Variants in NCK2 observed in about 807,000 individuals in gnomAD.
The protein encoded by NCK2 is cytoplasmic protein NCK2.
In NCK2, 16 loss-of-function variants were observed where a neutral mutation model predicts 33.9. The ratio of observed to expected loss-of-function variants is 0.47; its 90% CI spans 0.32 to 0.72. The LOEUF (loss-of-function observed/expected upper bound fraction) is 0.72, where lower values mean the gene tolerates loss of function less well. Among genes scored for constraint, NCK2 ranks in the 30% least tolerant of loss-of-function variants. The probability of loss-of-function intolerance (pLI) is 0.03; values close to 1 mark genes in which losing one functional copy is unlikely to be tolerated. For missense variants in NCK2, 418 were observed against 537.3 expected, an observed-to-expected ratio of 0.78 and a Z score of 2.19; for synonymous variants, 273 against 239.9, an observed-to-expected ratio of 1.14 and a Z score of -1.27.
chr2:105,890,319 G>T (rs1195695027), intron 4 of NCK2, among the ~76,000 whole-genome samples: 2 of 152,090 alleles, frequency 1.3e-5, no homozygotes, highest in Non-Finnish European at 2.9e-5. Context: ...TGATCATTTG[G>T]CTTAATTAAA....
At chr2:105,861,072 G>A (rs553585316) in intron 3 of NCK2, among the ~76,000 whole-genome samples, 4 of 151,984 alleles carry the variant, frequency 2.6e-5, no homozygotes, top group South Asian at 4.1e-4. Flanking sequence ...AATTGTTTAC[G>A]GAAAACTATC....
chr2:105,856,826 A>G (rs541296596), intron 3 of NCK2: 6 of 152,294 alleles, frequency 3.9e-5, no homozygotes, highest in African/African-American at 1.2e-4. Flanking sequence ...TTCTTCCCCC[A>G]CATAAGCATG....
Position 105,757,550 on chromosome 2 carries a change from C to G in NCK2, c.-201+12412C>G, listed in dbSNP as rs566028881. Among the ~76,000 whole-genome samples, 39 of 152,214 alleles carry G rather than the reference C, an allele frequency of 2.6e-4. 1 individual carries two copies. The highest frequency in any genetic ancestry group is 9.4e-4 in the African/African-American group (39 of 41,518). The stretch of plus-strand genomic sequence containing the variant: ...GGCTATGTTTTCACTCAGTTGTGTA[C>G]CTGCAGTTCATACCTACATAGGACC... On this transcript the variant is annotated intron_variant, in intron 1 of 4. Transcript: ENST00000233154.
intron 2 of NCK2, among the ~76,000 whole-genome samples, chr2:105,845,316 C>A (rs1263169795): frequency 6.6e-6 from 1 of 151,604 alleles, no homozygotes; most frequent in Admixed American, 6.6e-5. Context: ...AACAAGGTGG[C>A]AAGGAAAAAG....
At chr2:105,834,756 C>T (rs575401303) in intron 2 of NCK2, among the ~76,000 whole-genome samples, 3 of 152,066 alleles carry the variant, frequency 2.0e-5, no homozygotes, top group South Asian at 2.1e-4. Flanking sequence ...TAGCCTTGAA[C>T]TGTTGGGTTT....
At chr2:105,756,095 T>C (rs1016300705) in intron 1 of NCK2, among the ~76,000 whole-genome samples, 6 of 152,234 alleles carry the variant, frequency 3.9e-5, no homozygotes, top group African/African-American at 1.4e-4. Flanking sequence ...TCTTTTTTTC[T>C]TTAAAACAGG....
chr2:105,750,339 C>CT (rs1213373551), intron 1 of NCK2, among the ~76,000 whole-genome samples: 1 of 152,206 alleles, frequency 6.6e-6, no homozygotes, highest in Non-Finnish European at 1.5e-5. Context: ...TATTTATGAC[C>CT]TTTTTTAACC....
At chr2:105,799,101 G>A (rs563540976) in intron 1 of NCK2, among the ~76,000 whole-genome samples, 177 of 152,126 alleles carry the variant, frequency 1.2e-3, no homozygotes, top group Non-Finnish European at 2.2e-3. Context: ...AGAAGCTCTC[G>A]CTGTGTCCTG....
At chr2:105,830,552 T>A (rs1676130237) in intron 2 of NCK2, among the ~76,000 whole-genome samples, 1 of 151,908 alleles carries the variant, frequency 6.6e-6, no homozygotes, top group Non-Finnish European at 1.5e-5. Flanking sequence ...AGTGCAGCTG[T>A]CACATCAATA....
rs997500772 is a variant in NCK2 at position 105,869,774 on chromosome 2, GTA to G, written c.227-11550_227-11549del. 4.6e-5 allele frequency among the ~76,000 whole-genome samples: 7 copies of G among 152,100 alleles called. 1 individual carries two copies. The South Asian group carries it at 1.0e-3, about 23-fold the overall frequency. On this transcript the variant is annotated intron_variant, in intron 3 of 4. Coordinates refer to ENST00000233154, the MANE Select transcript of NCK2 (RefSeq NM_003581.5). ...AAAAACGCTTGGGCTCATGGATCTG[GTA>G]TATGTGTTGAGAGGTACTAAATATG...
intron 3 of NCK2, among the ~76,000 whole-genome samples, chr2:105,877,152 G>C (rs965717734): frequency 6.6e-6 from 1 of 152,020 alleles, no homozygotes; most frequent in Non-Finnish European, 1.5e-5. Flanking sequence ...ACACAGAAAG[G>C]CCACCTGCAC....
chr2:105,794,709 T>G lies in NCK2; in HGVS notation c.-200-21721T>G, dbSNP rs891365711. On this transcript the variant is annotated intron_variant, in intron 1 of 4. Coordinates refer to ENST00000233154, the MANE Select transcript of NCK2 (RefSeq NM_003581.5). ...ATAGTTTATTATTTTATTTATTTATTTATTTATTTATTTATTTTTGAGACG... is the reference window on the plus strand; with the variant it reads ...ATAGTTTATTATTTTATTTATTTATGTATTTATTTATTTATTTTTGAGACG... Among the ~76,000 whole-genome samples the G allele has an allele frequency of 8.8e-4, 133 of 151,706 alleles. 1 individual carries two copies. Among genetic ancestry groups the G allele is most frequent in the African/African-American group, 3.1e-3 (129 of 41,428 alleles).
upstream of NCK2, among the ~76,000 whole-genome samples, chr2:105,744,695 C>G (rs908946728): frequency 4.6e-5 from 7 of 151,652 alleles, no homozygotes; most frequent in Non-Finnish European, 8.9e-5. Context: ...TACCGGGACC[C>G]GGGCGCGGAG....
intron 2 of NCK2, among the ~76,000 whole-genome samples, chr2:105,829,170 G>A (rs116454656): frequency 0.05 from 7,563 of 152,054 alleles, 261 homozygotes; most frequent in Admixed American, 0.073. Flanking sequence ...TACAAAATAC[G>A]TAGGTGTCAT....
chr2:105,818,943 G>T (rs895273542), intron 2 of NCK2, among the ~76,000 whole-genome samples: 1 of 152,154 alleles, frequency 6.6e-6, no homozygotes, highest in Non-Finnish European at 1.5e-5. Context: ...CCCCTTTGAT[G>T]TGTGGTATTT....
intron 3 of NCK2, among the ~76,000 whole-genome samples, chr2:105,860,814 G>A (rs991577814): frequency 2.0e-5 from 3 of 150,352 alleles, no homozygotes; most frequent in African/African-American, 7.4e-5. Flanking sequence ...CATTTACCAG[G>A]ATTGCCTCTC....
At chr2:105,779,084 A>G (rs1261127050) in intron 1 of NCK2, among the ~76,000 whole-genome samples, 2 of 152,160 alleles carry the variant, frequency 1.3e-5, no homozygotes, top group Non-Finnish European at 2.9e-5. Flanking sequence ...AGGCAGGTGG[A>G]TCACTTGAGG....
intron 1 of NCK2, among the ~76,000 whole-genome samples, chr2:105,788,762 A>G (rs1377031633): frequency 6.6e-6 from 1 of 151,724 alleles, no homozygotes. Flanking sequence ...CGTTTTCTTC[A>G]TTCTTATATA....
chr2:105,835,388 C>CTT, intron 2 of NCK2, among the ~76,000 whole-genome samples: 2 of 52,114 alleles, frequency 3.8e-5, no homozygotes, highest in Non-Finnish European at 7.1e-5. Context: ...TATATATACA[C>CTT]ATATATATAT....
Sources: gnomAD v4.1 joint callset for allele counts (sites outside exome capture counted in the v4.1 genomes callset) on GRCh38, gnomAD v4.1.1 for gene constraint, MANE v1.5 for transcripts, NCBI Gene and HGNC (gene_info 2026-07-23, HGNC 2026-07-21) for gene names.